FOXP2: variants seen among roughly 807,000 people sequenced by gnomAD.
FOXP2 encodes the protein forkhead box protein P2.
A neutral mutation model predicts 115.8 loss-of-function variants in FOXP2; 12 were observed. The observed-to-expected ratio is 0.10, with a 90% confidence interval of 0.07 to 0.17. The LOEUF is 0.17. Among genes scored for constraint, FOXP2 ranks in the 10% least tolerant of loss-of-function variants. The pLI, the probability that FOXP2 is intolerant of heterozygous loss-of-function variation, is 1.00. For synonymous variants in FOXP2, 328 were observed against 297.7 expected (o/e 1.10, Z -1.05); for missense variants, 629 against 843.5 (o/e 0.75, Z 3.15).
chr7:114,564,642 G>T (rs758280294), intron 3 of FOXP2, among the ~76,000 whole-genome samples: 3 of 152,018 alleles, frequency 2.0e-5, no homozygotes, highest in Non-Finnish European at 4.4e-5. Context: ...CACTTTGGGA[G>T]GCCGAGGTGG....
chr7:114,414,017 C>T (rs540340102), upstream of FOXP2, among the ~76,000 whole-genome samples: 22 of 152,228 alleles, frequency 1.4e-4, no homozygotes, highest in Non-Finnish European at 2.5e-4. Context: ...TCGTTCCTGT[C>T]TTGGGTGTAA....
At chr7:114,487,818 A>G (rs1331610775) in intron 2 of FOXP2, among the ~76,000 whole-genome samples, 1 of 152,166 alleles carries the variant, frequency 6.6e-6, no homozygotes, top group Non-Finnish European at 1.5e-5. Flanking sequence ...TTATATCACC[A>G]TCAGCATATT....
chr7:114,513,539 C>T (rs373281183), intron 2 of FOXP2, among the ~76,000 whole-genome samples: 5 of 152,038 alleles, frequency 3.3e-5, no homozygotes, highest in East Asian at 3.9e-4. Context: ...ATAACATAGC[C>T]TTCTGTGGGA....
At chr7:114,647,438 T>C (rs1465315852) in intron 8 of FOXP2, among the ~76,000 whole-genome samples, 2 of 151,556 alleles carry the variant, frequency 1.3e-5, no homozygotes, top group African/African-American at 2.4e-5. Context: ...CTTTAATTCT[T>C]ATATACTTTT....
chr7:114,462,212 C>T (rs6964056), intron 2 of FOXP2, among the ~76,000 whole-genome samples: 1 of 115,242 alleles, frequency 8.7e-6, no homozygotes, highest in Middle Eastern at 8.9e-3. Context: ...ACCCGGGAGG[C>T]GGAGGTTGCA....
At chr7:114,260,252 T>G (rs1363087194) in intron 1 of FOXP2, among the ~76,000 whole-genome samples, 5 of 150,812 alleles carry the variant, frequency 3.3e-5, no homozygotes, top group Admixed American at 2.7e-4. Flanking sequence ...AAAAAACCAA[T>G]GTGACTTTGC....
At chr7:114,437,052 C>G (rs962534614) in intron 2 of FOXP2, among the ~76,000 whole-genome samples, 9 of 152,096 alleles carry the variant, frequency 5.9e-5, no homozygotes, top group African/African-American at 1.7e-4. Flanking sequence ...CTTATTCATT[C>G]TTTATTTACA....
intron 1 of FOXP2, among the ~76,000 whole-genome samples, chr7:114,165,806 CAACATAATATTGAGG>C (rs1238248198): frequency 1.2e-4 from 19 of 152,080 alleles, no homozygotes; most frequent in African/African-American, 4.6e-4. Context: ...CCACATTAGC[CAACATAATATTGAGG>C]AAGAAAAAGA....
rs928309762 is a variant in FOXP2, at chr7:114,156,420, C to T, written c.-246-6524C>T. Among the ~76,000 whole-genome samples the T allele has an allele frequency of 5.9e-5, 9 of 152,094 alleles. No individual in the cohort carries two copies. The East Asian group carries it at 1.7e-3, about 29-fold the overall frequency. On this transcript the variant is annotated intron_variant, in intron 1 of 19. Coordinates refer to the FOXP2 transcript ENST00000635638. ...ATGATAAAAGATTGGGTTTCACAGC[C>T]CCTTATCTTAACCCAGATATTCCTT...
intron 2 of FOXP2, among the ~76,000 whole-genome samples, chr7:114,458,288 A>C: frequency 6.6e-6 from 1 of 152,106 alleles, no homozygotes. Flanking sequence ...TAACCTTATT[A>C]CTTGTATTTC....
At position 114,553,914 on chromosome 7, in the gene FOXP2, G is replaced by A. The variant is rs141281208; in HGVS notation, c.258+19208G>A. ...TGCTCTGTTCTTCATTAATGGATTT[G>A]CTATTGATCATCTGATTGCATTCCT... On this transcript the variant is annotated intron_variant, in intron 3 of 16. Transcript: ENST00000350908. 4.2e-3 allele frequency among the ~76,000 whole-genome samples: 646 copies of A among 152,116 alleles called. 8 individuals carry two copies. Among genetic ancestry groups the A allele is most frequent in the African/African-American group, 0.015 (610 of 41,542 alleles).
intron 1 of FOXP2, among the ~76,000 whole-genome samples, chr7:114,211,261 C>A (rs1008251479): frequency 6.6e-6 from 1 of 152,214 alleles, no homozygotes; most frequent in Admixed American, 6.5e-5. Flanking sequence ...ATGTAAAACT[C>A]CTGGGTCTCT....
chr7:114,310,656 TTTG>T (rs370289479), intron 2 of FOXP2, among the ~76,000 whole-genome samples: 27 of 151,768 alleles, frequency 1.8e-4, no homozygotes, highest in African/African-American at 4.1e-4. Flanking sequence ...AGATTCTGTG[TTTG>T]TTGTTGTTGT....
At chr7:114,170,421 A>G (rs1443737369) in intron 1 of FOXP2, among the ~76,000 whole-genome samples, 8 of 152,332 alleles carry the variant, frequency 5.3e-5, no homozygotes, top group Admixed American at 2.0e-4. Context: ...GAAGGGTCAC[A>G]TATCACTCAC....
chr7:114,318,687 C>G (rs1235616179), intron 2 of FOXP2, among the ~76,000 whole-genome samples: 1 of 149,208 alleles, frequency 6.7e-6, no homozygotes, highest in African/African-American at 2.5e-5. Context: ...TATCAGACAA[C>G]TATTTTGAGG....
chr7:114,164,991 T>TAC (rs1256191043), intron 1 of FOXP2, among the ~76,000 whole-genome samples: 2 of 151,604 alleles, frequency 1.3e-5, no homozygotes, highest in Non-Finnish European at 2.9e-5. Context: ...TATATATATA[T>TAC]ATAAAGTTCC....
intron 1 of FOXP2, among the ~76,000 whole-genome samples, chr7:114,182,121 T>A (rs916800146): frequency 1.1e-4 from 17 of 152,112 alleles, no homozygotes; most frequent in Admixed American, 2.0e-4. Context: ...TTTCTTAGTG[T>A]CTCTTGTAAT....
At chr7:114,447,506 G>C (rs977825174) in intron 2 of FOXP2, among the ~76,000 whole-genome samples, 3 of 151,968 alleles carry the variant, frequency 2.0e-5, no homozygotes, top group Non-Finnish European at 4.4e-5. Context: ...CAGCCAAATT[G>C]AACCTTTTTC....
At chr7:114,350,886 A>G (rs1791470137) in intron 2 of FOXP2, among the ~76,000 whole-genome samples, 1 of 152,148 alleles carries the variant, frequency 6.6e-6, no homozygotes, top group Non-Finnish European at 1.5e-5. Context: ...AGGGATGCTT[A>G]AGTCCCTTAT....
Sources: gnomAD v4.1 joint callset for allele counts (sites outside exome capture counted in the v4.1 genomes callset) on GRCh38, gnomAD v4.1.1 for gene constraint, MANE v1.5 for transcripts, NCBI Gene and HGNC (gene_info 2026-07-23, HGNC 2026-07-21) for gene names.